STK3: variants seen among roughly 807,000 people sequenced by gnomAD.
STK3 encodes serine/threonine-protein kinase 3.
STK3 carries 41 observed loss-of-function variants against 58.0 expected under a neutral mutation model. The observed-to-expected ratio is 0.71, with a 90% CI of 0.55 to 0.92. The LOEUF is 0.92. STK3 is among the 40% of genes least tolerant of loss of function. The pLI is 0.00. For missense variants in STK3, 479 were observed against 602.7 expected, an observed-to-expected ratio of 0.79 and a Z score of 2.15; for synonymous variants, 170 against 191.0, an observed-to-expected ratio of 0.89 and a Z score of 0.91.
intron 6 of STK3, among the ~76,000 whole-genome samples, chr8:98,661,427 G>A (rs1057289659): frequency 3.3e-5 from 5 of 151,674 alleles, no homozygotes; most frequent in Admixed American, 3.3e-4. Flanking sequence ...CTCTATCACC[G>A]CAGCTAATAC....
At chr8:98,589,820 G>A (rs925445004) in intron 7 of STK3, among the ~76,000 whole-genome samples, 15 of 152,262 alleles carry the variant, frequency 9.9e-5, no homozygotes, top group East Asian at 5.8e-4. Flanking sequence ...TTTTAAGCCC[G>A]TCGGAAAAGT....
chr8:98,829,419 G>A (rs1262411272), upstream of STK3, among the ~76,000 whole-genome samples: 1 of 152,192 alleles, frequency 6.6e-6, no homozygotes, highest in Non-Finnish European at 1.5e-5. Context: ...CACCCATAAA[G>A]AATTGTGGAA....
chr8:98,439,346 C>T (rs537958401), intron 1 of STK3: 5 of 152,262 alleles, frequency 3.3e-5, no homozygotes, highest in African/African-American at 1.2e-4. Context: ...CATCAAGAGT[C>T]AGGAGTTTCA....
At chr8:98,507,373 C>T (rs1824180302) in intron 10 of STK3, among the ~76,000 whole-genome samples, 1 of 152,186 alleles carries the variant, frequency 6.6e-6, no homozygotes, top group African/African-American at 2.4e-5. Flanking sequence ...TATCCCGGAT[C>T]TTTCATTCTC....
chr8:98,712,092 T>G (rs1454913192), intron 4 of STK3, among the ~76,000 whole-genome samples: 2 of 152,156 alleles, frequency 1.3e-5, no homozygotes, highest in Non-Finnish European at 2.9e-5. Context: ...CTGAGAGATT[T>G]TGTCACCACC....
chr8:98,937,638 G>T (rs1378577653), intron 1 of STK3, among the ~76,000 whole-genome samples: 1 of 152,166 alleles, frequency 6.6e-6, no homozygotes, highest in African/African-American at 2.4e-5. Flanking sequence ...CTCTTACCTG[G>T]TACATAGTAG....
At chr8:98,369,313 T>C (rs4236848), downstream of STK3, among the ~76,000 whole-genome samples, 127,122 of 152,200 alleles carry the variant, frequency 0.84, 53,394 homozygotes, top group African/African-American at 0.91. Flanking sequence ...CCTAAAACGC[T>C]ACCATTAGCA....
At chr8:98,346,977 G>A in the STK3 span, among the ~76,000 whole-genome samples, 1 of 151,646 alleles carries the variant, frequency 6.6e-6, no homozygotes, top group Non-Finnish European at 1.5e-5. Flanking sequence ...ATAATGTATT[G>A]TATTGTAGGG....
intron 6 of STK3, among the ~76,000 whole-genome samples, chr8:98,618,761 T>C (rs879413880): frequency 7.8e-4 from 114 of 145,422 alleles, no homozygotes; most frequent in Non-Finnish European, 1.3e-3. Flanking sequence ...TTACAAGGGA[T>C]GTGAAGGACC....
chr8:98,663,681 C>A (rs1281102864), intron 6 of STK3, among the ~76,000 whole-genome samples: 1 of 152,124 alleles, frequency 6.6e-6, no homozygotes, highest in Non-Finnish European at 1.5e-5. Context: ...CCATGGAATA[C>A]TATGCAGCCA....
chr8:98,807,434 T>A, intron 1 of STK3, among the ~76,000 whole-genome samples: 1 of 151,970 alleles, frequency 6.6e-6, no homozygotes, highest in East Asian at 1.9e-4. Context: ...TTTTTTGTAT[T>A]TTTAGTAGGG....
chr8:98,626,001 C>CTTTT (rs1486223149), intron 6 of STK3, among the ~76,000 whole-genome samples: 1 of 152,208 alleles, frequency 6.6e-6, no homozygotes, highest in African/African-American at 2.4e-5. Flanking sequence ...TAATGACTCT[C>CTTTT]TTTTCTCTTC....
intron 10 of STK3, among the ~76,000 whole-genome samples, chr8:98,485,987 C>T (rs1206649481): frequency 1.3e-5 from 2 of 152,038 alleles, no homozygotes; most frequent in Non-Finnish European, 2.9e-5. Context: ...GGTAATGTTG[C>T]GTAGATTAAG....
At chr8:98,869,029 AG>A (rs1837253711) in intron 3 of STK3, among the ~76,000 whole-genome samples, 1 of 75,776 alleles carries the variant, frequency 1.3e-5, no homozygotes, top group East Asian at 7.2e-4. Flanking sequence ...GAAAGAAGGA[AG>A]GAAGGAAGGA....
upstream of STK3, among the ~76,000 whole-genome samples, chr8:98,827,051 A>G (rs866448758): frequency 7.6e-6 from 1 of 132,416 alleles, no homozygotes; most frequent in Non-Finnish European, 1.6e-5. Context: ...AATTGTCAAG[A>G]TGGGCCGGGC....
intron 7 of STK3, among the ~76,000 whole-genome samples, chr8:98,585,411 T>C (rs1158357431): frequency 2.0e-5 from 3 of 151,956 alleles, no homozygotes; most frequent in Non-Finnish European, 2.9e-5. Flanking sequence ...GTTGTAGATA[T>C]GCGGCATTAT....
chr8:98,858,176 G>A (rs1836748843), intron 3 of STK3, among the ~76,000 whole-genome samples: 1 of 150,836 alleles, frequency 6.6e-6, no homozygotes, highest in African/African-American at 2.4e-5. Flanking sequence ...GAGATCAGGA[G>A]TTCGAGACCA....
intron 3 of STK3, among the ~76,000 whole-genome samples, chr8:98,850,639 A>G (rs1214894239): frequency 6.6e-6 from 1 of 152,148 alleles, no homozygotes; most frequent in African/African-American, 2.4e-5. Flanking sequence ...GTATGTACGA[A>G]GGCATGAAGA....
At chr8:98,394,839 A>T (rs12115160) in intron 3 of STK3, among the ~76,000 whole-genome samples, 119 of 152,220 alleles carry the variant, frequency 7.8e-4, no homozygotes, top group African/African-American at 2.7e-3. Flanking sequence ...AAGTGTGAAG[A>T]TTACACATCT....
Sources: gnomAD v4.1 joint callset for allele counts (sites outside exome capture counted in the v4.1 genomes callset) on GRCh38, gnomAD v4.1.1 for gene constraint, MANE v1.5 for transcripts, NCBI Gene and HGNC (gene_info 2026-07-23, HGNC 2026-07-21) for gene names.